The following KLK4 variants were observed in gnomAD, a reference collection of about 807,000 sequenced individuals.
KLK4 encodes kallikrein related peptidase 4, also known as kallikrein-4.
Under a neutral mutation model 24.3 loss-of-function variants are expected in KLK4, and 24 were observed. The observed-to-expected ratio is 0.99, with a 90% confidence interval of 0.72 to 1.39. KLK4 has a LOEUF of 1.39. Among genes scored for constraint, KLK4 ranks in the 40% most tolerant of loss-of-function variants. The pLI, the probability that KLK4 is intolerant of heterozygous loss-of-function variation, is 0.00. For missense variants in KLK4, 344 were observed against 327.4 expected (o/e 1.05, Z -0.39); for synonymous variants, 142 against 138.8 (o/e 1.02, Z -0.16).
Position 50,908,570 on chromosome 19 carries a change from T to G in KLK4, c.475+9A>C. On this transcript the variant is annotated intron_variant, in intron 4 of 5. Transcript: ENST00000324041. ...CTTGAAGAGGGCAGACACACACCCG[T>G]GAGCTCACCGTTCGCCAGCAGACCC... 6 of 1,614,128 alleles carry G rather than the reference T, an allele frequency of 3.7e-6. No individual in the cohort carries two copies. Among genetic ancestry groups the G allele is most frequent in the Non-Finnish European group, 5.1e-6 (6 of 1,180,020 alleles).
At chr19:50,909,390 C>T in exon 3 of KLK4, 1 of 1,614,120 alleles carries the variant, frequency 6.2e-7, no homozygotes, top group Non-Finnish European at 8.5e-7. Flanking sequence ...TATGATTTGG[C>T]TGCAGCTACC....
In KLK4 at chr19:50,908,848, A is replaced by C. The variant is rs2090460473; in HGVS notation, c.225-19T>G. Reference sequence around the variant, plus strand: ...GTAGGAGCTGTGGGCCACGGAGGGCAGGTCAGTTTTGTGGCAACTACATCC... The same window carrying C: ...GTAGGAGCTGTGGGCCACGGAGGGCCGGTCAGTTTTGTGGCAACTACATCC... On this transcript the variant is annotated intron_variant, in intron 3 of 5. Coordinates refer to ENST00000324041, the Ensembl canonical transcript of KLK4. 2 of 1,609,062 alleles carry C rather than the reference A, an allele frequency of 1.2e-6. No homozygotes were observed. The highest frequency in any genetic ancestry group is 1.7e-5 in the Admixed American group (1 of 59,978).
exon 6 of KLK4, chr19:50,906,927 C>T: frequency 6.2e-7 from 1 of 1,614,062 alleles, no homozygotes; most frequent in Non-Finnish European, 8.5e-7. Flanking sequence ...GTTCCCAGTC[C>T]CCAGAGTTAA....
chr19:50,908,056 T>G, intron 5 of KLK4: 2 of 473,850 alleles, frequency 4.2e-6, no homozygotes, highest in Non-Finnish European at 3.9e-6. Context: ...GAGTCAAAAG[T>G]TATAAGAGGA....
At position 50,909,021 on chromosome 19, in the gene KLK4, A is replaced by T; in HGVS notation, c.225-192T>A. 16 of 1,486,250 alleles carry T rather than the reference A, an allele frequency of 1.1e-5. No individual in the cohort carries two copies. The South Asian group carries it at 1.9e-4, about 17-fold the overall frequency. The allele number at this position is 1,486,250 out of a possible 1,614,324, so 92.1% of individuals were successfully genotyped here. On this transcript the variant is annotated intron_variant, in intron 3 of 5. Transcript: ENST00000324041. Reference sequence around the variant, plus strand: ...CAGGGACAAGAACTTGCCTTAGTTCACTAGAGACTCAGCACTGGGCTGAGA... The same window carrying T: ...CAGGGACAAGAACTTGCCTTAGTTCTCTAGAGACTCAGCACTGGGCTGAGA...
chr19:50,908,174 T>C, intron 5 of KLK4, 185 bp downstream of exon 5: 1 of 731,046 alleles, frequency 1.4e-6, no homozygotes, highest in Non-Finnish European at 2.3e-6. Context: ...TCTGTTTCTC[T>C]CTTCCTTTGC....
At chr19:50,908,729 T>A (rs1365847582) in exon 4 of KLK4, 2 of 1,614,072 alleles carry the variant, frequency 1.2e-6, no homozygotes, top group African/African-American at 1.3e-5. Flanking sequence ...AAGGGTCTGT[T>A]GTACTCTGGG....
At chr19:50,908,197 CTG>C (rs1568513881) in intron 5 of KLK4, 160 bp downstream of exon 5, 1 of 839,152 alleles carries the variant, frequency 1.2e-6, no homozygotes, top group Non-Finnish European at 1.9e-6. Context: ...CTCTTTATTC[CTG>C]TGTTTATTTC....
intron 3 of KLK4, 121 bp from the exon 4 acceptor site, chr19:50,908,950 C>A: frequency 6.5e-7 from 1 of 1,530,944 alleles, no homozygotes. Flanking sequence ...GCTAAACACC[C>A]TAAGAGCTAC....
intron 2 of KLK4, among the ~76,000 whole-genome samples, chr19:50,909,788 G>A (rs1461506297): frequency 1.3e-5 from 2 of 151,786 alleles, no homozygotes; most frequent in African/African-American, 4.8e-5. Context: ...CGGTGCAGGA[G>A]CCTGGTCAGG....
exon 6 of KLK4, chr19:50,906,434 C>A: frequency 5.5e-6 from 1 of 182,732 alleles, no homozygotes. Flanking sequence ...GGTCAACGTG[C>A]CACAAGGGGG....
rs1462966853 is a variant in KLK4 at position 50,910,083 on chromosome 19, G to A, written c.61+595C>T. On this transcript the variant is annotated intron_variant, in intron 2 of 5. Transcript: ENST00000324041. The surrounding 1 kb of genome is among the most constrained non-coding windows in gnomAD (Gnocchi z 4.4). ...TCTAGGCTCATAGCAGTAGGATCGGGTCCTTCGGGGTGAATTAAAGCTCAG... is the reference window on the plus strand; with the variant it reads ...TCTAGGCTCATAGCAGTAGGATCGGATCCTTCGGGGTGAATTAAAGCTCAG... 6.6e-6 allele frequency among the ~76,000 whole-genome samples: 1 copy of A among 151,982 alleles called. No individual in the cohort carries two copies. Among genetic ancestry groups the A allele is most frequent in the Non-Finnish European group, 1.5e-5 (1 of 67,972 alleles).
chr19:50,909,014 T>G (rs2090461725), intron 3 of KLK4, 185 bp from the exon 4 acceptor site: 2 of 1,489,928 alleles, frequency 1.3e-6, no homozygotes, highest in African/African-American at 2.8e-5. Flanking sequence ...AGAACTTGCC[T>G]TAGTTCACTA....
rs529194789 is a variant in KLK4, at chr19:50,909,789, C to T, written c.62-375G>A. On this transcript the variant is annotated intron_variant, in intron 2 of 5. Transcript: ENST00000324041. ...AGGGGCGGTGATCACGGTGCAGGAG[C>T]CTGGTCAGGGATTCAGGGTAGTCAG... 2.7e-5 allele frequency among the ~76,000 whole-genome samples: 4 copies of T among 150,562 alleles called. No individual in the cohort carries two copies. The East Asian group carries it at 5.9e-4, about 22-fold the overall frequency.
chr19:50,909,215 C>T (rs1470867563), intron 3 of KLK4, 37 bp downstream of exon 3: 4 of 1,614,020 alleles, frequency 2.5e-6, no homozygotes, highest in East Asian at 4.5e-5. Flanking sequence ...CGCCCCCGGA[C>T]CCAGGCCCTG....
chr19:50,909,254 C>T (rs2090463929), exon 3 of KLK4: 2 of 1,614,020 alleles, frequency 1.2e-6, no homozygotes, highest in African/African-American at 2.7e-5. Flanking sequence ...GCACTCACTT[C>T]TGGAAACAGT....
intron 5 of KLK4, 43 bp from the exon 6 acceptor site, chr19:50,907,129 G>C: frequency 6.2e-7 from 1 of 1,604,080 alleles, no homozygotes; most frequent in Non-Finnish European, 8.5e-7. Context: ...AACACAGAGA[G>C]GTGGAAATGG....
At position 50,910,133 on chromosome 19, in the gene KLK4, A is replaced by C. The variant is rs1323008977; in HGVS notation, c.61+545T>G. Among the ~76,000 whole-genome samples the C allele has an allele frequency of 6.6e-6, 1 of 151,962 alleles. No individual in the cohort carries two copies. The highest frequency in any genetic ancestry group is 1.5e-5 in the Non-Finnish European group (1 of 67,960). On this transcript the variant is annotated intron_variant, in intron 2 of 5. Coordinates refer to ENST00000324041, the Ensembl canonical transcript of KLK4. The surrounding 1 kb of genome is among the most constrained non-coding windows in gnomAD (Gnocchi z 4.4). ...GGGGGTGGAGTTGTTGCTGGGAGCA[A>C]GGATCGGGTCACTTGTCTGCGCAGA... is the stretch of plus-strand genomic sequence containing the variant.
chr19:50,907,690 G>A (rs2090446360), intron 5 of KLK4, among the ~76,000 whole-genome samples: 1 of 152,166 alleles, frequency 6.6e-6, no homozygotes, highest in African/African-American at 2.4e-5. Context: ...ACAGGCATGA[G>A]CCACCCTGCC....
Sources: allele counts gnomAD v4.1 joint callset (sites outside exome capture counted in the v4.1 genomes callset), GRCh38; gene constraint gnomAD v4.1.1; non-coding constraint Gnocchi (gnomAD v3.1); transcripts MANE v1.5; gene names NCBI Gene and HGNC (gene_info 2026-07-23, HGNC 2026-07-21).